The following EXOC6 variants were observed in gnomAD, a reference collection of about 807,000 sequenced individuals.
EXOC6 encodes the protein SEC15-like 1.
Under a neutral mutation model 112.5 loss-of-function variants are expected in EXOC6, and 60 were observed. The observed-to-expected ratio is 0.53, with a 90% CI of 0.43 to 0.66. EXOC6 has a LOEUF of 0.66. Among genes scored for constraint, EXOC6 ranks in the 30% least tolerant of loss-of-function variants. The pLI is 0.00. For missense variants in EXOC6, 855 were observed against 957.1 expected (o/e 0.89, Z 1.41); for synonymous variants, 295 against 308.0 (o/e 0.96, Z 0.44).
intron 7 of EXOC6, among the ~76,000 whole-genome samples, chr10:92,918,663 G>A (rs968400407): frequency 6.6e-6 from 1 of 152,002 alleles, no homozygotes; most frequent in Non-Finnish European, 1.5e-5. Context: ...GCTTCAAGTG[G>A]TCCTTCTGCT....
intron 15 of EXOC6, among the ~76,000 whole-genome samples, chr10:92,953,664 A>G (rs1853539588): frequency 6.6e-6 from 1 of 152,232 alleles, no homozygotes; most frequent in Non-Finnish European, 1.5e-5. Flanking sequence ...TGGATAATCC[A>G]TGGTCTACAG....
chr10:92,891,736 C>T (rs908007130), intron 1 of EXOC6, among the ~76,000 whole-genome samples: 4 of 152,132 alleles, frequency 2.6e-5, no homozygotes, highest in African/African-American at 9.7e-5. Flanking sequence ...TCCGCATCGG[C>T]TCCCAAAATG....
chr10:92,977,032 A>C (rs1440471575), intron 18 of EXOC6, among the ~76,000 whole-genome samples: 1 of 152,224 alleles, frequency 6.6e-6, no homozygotes, highest in African/African-American at 2.4e-5. Flanking sequence ...AAATTTTATC[A>C]ACCTTTTTAT....
chr10:92,850,670 G>T (rs1847282067), intron 1 of EXOC6, among the ~76,000 whole-genome samples: 1 of 152,076 alleles, frequency 6.6e-6, no homozygotes, highest in South Asian at 2.1e-4. Context: ...AGTCTTGTTT[G>T]ATCTCTTCCC....
intron 18 of EXOC6, among the ~76,000 whole-genome samples, chr10:92,991,494 T>C (rs977594422): frequency 6.7e-6 from 1 of 149,914 alleles, no homozygotes; most frequent in East Asian, 2.0e-4. Context: ...GGGACTGCCA[T>C]GGCAGAAGCA....
intron 1 of EXOC6, among the ~76,000 whole-genome samples, chr10:92,861,475 G>A (rs1847909272): frequency 6.6e-6 from 1 of 152,158 alleles, no homozygotes; most frequent in African/African-American, 2.4e-5. Context: ...CCAGGGGCTG[G>A]GAGGATGAAG....
At chr10:92,868,755 C>T (rs1488695424) in intron 1 of EXOC6, among the ~76,000 whole-genome samples, 2 of 151,210 alleles carry the variant, frequency 1.3e-5, no homozygotes, top group African/African-American at 4.9e-5. Context: ...TGTTTTTTCT[C>T]ACTATTTTAA....
intron 18 of EXOC6, among the ~76,000 whole-genome samples, chr10:92,978,034 T>TA (rs1168891644): frequency 1.3e-5 from 2 of 152,190 alleles, no homozygotes; most frequent in Non-Finnish European, 2.9e-5. Flanking sequence ...ATAAAGGAAA[T>TA]AAATTTTTAT....
At chr10:92,903,162 T>G (rs567652088) in intron 5 of EXOC6, among the ~76,000 whole-genome samples, 2 of 152,128 alleles carry the variant, frequency 1.3e-5, no homozygotes, top group Admixed American at 1.3e-4. Flanking sequence ...TTTAAAAATA[T>G]AATTTAAAAA....
intron 20 of EXOC6, among the ~76,000 whole-genome samples, chr10:93,023,584 TCGTGTAAATTTTTTTTA>T (rs1425417303): frequency 1.3e-5 from 2 of 152,230 alleles, no homozygotes; most frequent in African/African-American, 4.8e-5. Flanking sequence ...TATGATTTGT[TCGTGTAAATTTTTTTTA>T]CAAGTAAAGC....
chr10:92,894,653 T>A, intron 2 of EXOC6, 141 bp from the exon 3 acceptor site: 1 of 633,752 alleles, frequency 1.6e-6, no homozygotes. Context: ...AAAGTTCAAG[T>A]TCAAGCTGTA....
intron 1 of EXOC6, among the ~76,000 whole-genome samples, chr10:92,868,568 T>C (rs973613877): frequency 6.6e-6 from 1 of 152,142 alleles, no homozygotes; most frequent in South Asian, 2.1e-4. Context: ...AATAAATTTC[T>C]CTAGTTCTAG....
chr10:92,848,463 G>A, upstream of EXOC6: 7 of 928,382 alleles, frequency 7.5e-6, no homozygotes, highest in Non-Finnish European at 9.6e-6. Flanking sequence ...CTTCGCGCTC[G>A]CGCCACTTGG....
chr10:92,997,124 C>T (rs1489761801), intron 18 of EXOC6, among the ~76,000 whole-genome samples: 1 of 152,100 alleles, frequency 6.6e-6, no homozygotes, highest in Non-Finnish European at 1.5e-5. Context: ...GTCAGTATGA[C>T]TTATTTTATG....
intron 8 of EXOC6, among the ~76,000 whole-genome samples, chr10:92,922,885 G>T (rs191135384): frequency 9.1e-4 from 139 of 152,276 alleles, no homozygotes; most frequent in Non-Finnish European, 1.4e-3. Context: ...TTAAGGGTAT[G>T]TGAAGGCTTT....
chr10:92,935,366 TA>T (rs1453532431), intron 11 of EXOC6, among the ~76,000 whole-genome samples: 1 of 152,090 alleles, frequency 6.6e-6, no homozygotes, highest in Non-Finnish European at 1.5e-5. Context: ...TATTAAATGC[TA>T]TGACAGGGAC....
chr10:92,975,987 C>T (rs1467366095), intron 18 of EXOC6, among the ~76,000 whole-genome samples: 4 of 145,910 alleles, frequency 2.7e-5, no homozygotes, highest in Admixed American at 2.7e-4. Context: ...GCCCAGCCGC[C>T]CCTACTGGGA....
chr10:93,036,882 G>C (rs1216035969), intron 20 of EXOC6, among the ~76,000 whole-genome samples: 2 of 152,094 alleles, frequency 1.3e-5, no homozygotes, highest in Non-Finnish European at 2.9e-5. Context: ...CACAGACTGT[G>C]CATAATGTAA....
At chr10:93,048,023 A>C (rs1439914872) in intron 20 of EXOC6, among the ~76,000 whole-genome samples, 1 of 152,162 alleles carries the variant, frequency 6.6e-6, no homozygotes, top group African/African-American at 2.4e-5. Context: ...TGGTTTCAGT[A>C]ATTAGGTAAA....
Sources: gnomAD v4.1 joint callset for allele counts (sites outside exome capture counted in the v4.1 genomes callset) on GRCh38, gnomAD v4.1.1 for gene constraint, MANE v1.5 for transcripts, NCBI Gene and HGNC (gene_info 2026-07-23, HGNC 2026-07-21) for gene names.